MPP7: variants seen among roughly 807,000 people sequenced by gnomAD.
MPP7 encodes MAGUK p55 subfamily member 7.
Under a neutral mutation model 76.5 loss-of-function variants are expected in MPP7, and 60 were observed. The observed-to-expected ratio is 0.78, with a 90% CI of 0.64 to 0.97. MPP7 has a LOEUF of 0.97. Among genes scored for constraint, MPP7 ranks in the 50% least tolerant of loss-of-function variants. The pLI is 0.00. For missense variants in MPP7, 641 were observed against 694.0 expected (o/e 0.92, Z 0.86); for synonymous variants, 237 against 244.5 (o/e 0.97, Z 0.29).
chr10:28,264,167 C>G (rs528364974), intron 1 of MPP7, among the ~76,000 whole-genome samples: 2 of 152,124 alleles, frequency 1.3e-5, no homozygotes, highest in Admixed American at 1.3e-4. Context: ...GGCAGGATGG[C>G]ACTCACCTGC....
At chr10:28,323,813 G>C (rs1834387891) in intron 2 of MPP7, among the ~76,000 whole-genome samples, 1 of 152,158 alleles carries the variant, frequency 6.6e-6, no homozygotes. Flanking sequence ...TGGATGCCGG[G>C]TGACTGAATA....
At position 28,333,654 on chromosome 10, in the gene MPP7, TAC is replaced by T. The variant is rs567778232; in HGVS notation, c.-206+762_-206+763del. 1.8e-4 allele frequency among the ~76,000 whole-genome samples: 27 copies of T among 152,320 alleles called. No individual in the cohort carries two copies. In the East Asian group the frequency reaches 4.6e-3, roughly 26 times the overall value. On this transcript the variant is annotated intron_variant, in intron 1 of 11. Transcript: ENST00000441595. ...GTGCAAATTTGGCAGCACAGATAAT[TAC>T]AGTCTAATTTTCTACAATGTAACTT...
chr10:28,227,363 A>G (rs1004515135), intron 2 of MPP7, among the ~76,000 whole-genome samples: 1 of 152,092 alleles, frequency 6.6e-6, no homozygotes, highest in Non-Finnish European at 1.5e-5. Flanking sequence ...GGTTTGTTAC[A>G]TAGGTAAACG....
intron 12 of MPP7, among the ~76,000 whole-genome samples, chr10:28,082,556 A>G (rs1667823306): frequency 6.6e-6 from 1 of 152,126 alleles, no homozygotes; most frequent in Non-Finnish European, 1.5e-5. Context: ...TCACTGACTC[A>G]TGCAATCCTC....
Position 28,131,591 on chromosome 10 carries a change from A to G in MPP7, c.416T>C (p.Ile139Thr), listed in dbSNP as rs1835193008. Residue 139 changes from isoleucine to threonine, a missense_variant, in exon 6 of 17, where the codon ATA becomes ACA. Transcript: ENST00000683449. ...DIDDEEDSVK[I>T]IRLVKNREPL... ...TTCTCTATTTTTGACCAGACGGATT[A>G]TTTTTACTGAGTCTTCCTCATCGTC... The G allele has an allele frequency of 2.5e-6, 4 of 1,604,468 alleles. No homozygotes were observed. The highest frequency in any genetic ancestry group is 1.7e-5 in the Admixed American group (1 of 59,780).
At position 28,089,806 on chromosome 10, in the gene MPP7, C is replaced by T. The variant is rs749658266; in HGVS notation, c.988G>A (p.Asp330Asn). Residue 330 changes from aspartate (D) to asparagine (N), a missense_variant, in exon 12 of 17, where the codon GAT becomes AAT. By Grantham distance (23) the Asp-to-Asn change is conservative (BLOSUM62 1). Coordinates refer to ENST00000683449, the MANE Select transcript of MPP7 (RefSeq NM_001318170.2). Reference sequence around the variant, plus strand: ...TACATGGATTTATTTGTTTTCTTATCTTTTCTACTAAGACGAAAACTTTTT... The same window carrying T: ...TACATGGATTTATTTGTTTTCTTATTTTTTCTACTAAGACGAAAACTTTTT... ...FRKSFRLSRK[D>N]KKTNKSMYEC... 1 of 1,587,598 alleles carries T rather than the reference C, an allele frequency of 6.3e-7. No homozygotes were observed.
At position 28,094,836 on chromosome 10, in the gene MPP7, T is replaced by A. The variant is rs185520956; in HGVS notation, c.953-4995A>T. Among the ~76,000 whole-genome samples, 864 of 152,268 alleles carry A rather than the reference T, an allele frequency of 5.7e-3. 4 individuals are homozygous for A. Among genetic ancestry groups the A allele is most frequent in the Non-Finnish European group, 8.6e-3 (584 of 68,010 alleles). On this transcript the variant is annotated intron_variant, in intron 11 of 16. Transcript: ENST00000683449. Reference sequence around the variant, plus strand: ...CAGATGTGGTGGCACATGCCTATAATCCCAGCTACTTGGGAGGCTGAGGCA... The same window carrying A: ...CAGATGTGGTGGCACATGCCTATAAACCCAGCTACTTGGGAGGCTGAGGCA...
At chr10:28,132,499 T>C (rs1835225046) in intron 5 of MPP7, among the ~76,000 whole-genome samples, 1 of 152,200 alleles carries the variant, frequency 6.6e-6, no homozygotes, top group African/African-American at 2.4e-5. Flanking sequence ...GGTGGGATCA[T>C]AGCTCACTAC....
chr10:28,189,235 A>G (rs1837328529), intron 3 of MPP7, among the ~76,000 whole-genome samples: 4 of 152,090 alleles, frequency 2.6e-5, no homozygotes, highest in Admixed American at 6.5e-5. Context: ...GTTATAAGGT[A>G]CCTGTACTAC....
intron 13 of MPP7, among the ~76,000 whole-genome samples, chr10:28,062,462 A>G (rs74722473): frequency 0.012 from 1,822 of 152,144 alleles, 51 homozygotes; most frequent in East Asian, 0.11. Context: ...ATACAATAAA[A>G]TACAGAAGAG....
intron 3 of MPP7, among the ~76,000 whole-genome samples, chr10:28,158,183 C>T (rs1212422394): frequency 6.6e-6 from 1 of 152,032 alleles, no homozygotes; most frequent in African/African-American, 2.4e-5. Context: ...TGACTAGTCC[C>T]CAAAGCTGAG....
At chr10:28,195,529 T>C (rs1003190312) in intron 3 of MPP7, among the ~76,000 whole-genome samples, 1 of 152,212 alleles carries the variant, frequency 6.6e-6, no homozygotes, top group Non-Finnish European at 1.5e-5. Context: ...AAGTGTGATA[T>C]AGCCATACAA....
chr10:28,139,241 C>T (rs113365492), intron 5 of MPP7, among the ~76,000 whole-genome samples: 3,270 of 152,252 alleles, frequency 0.021, 97 homozygotes, highest in African/African-American at 0.072. Context: ...CTTAACTGAT[C>T]ACAGGTTCAC....
intron 2 of MPP7, among the ~76,000 whole-genome samples, chr10:28,204,851 G>A (rs1261261347): frequency 6.6e-6 from 1 of 152,172 alleles, no homozygotes; most frequent in Admixed American, 6.5e-5. Flanking sequence ...TAGCTTAGCT[G>A]TATATTGCAA....
At chr10:28,173,076 G>A (rs1168905827) in intron 3 of MPP7, among the ~76,000 whole-genome samples, 4 of 152,006 alleles carry the variant, frequency 2.6e-5, no homozygotes, top group Admixed American at 6.6e-5. Flanking sequence ...AATATAAGCC[G>A]GGGGAGGAAC....
chr10:28,157,576 T>C (rs1015149699), intron 3 of MPP7, among the ~76,000 whole-genome samples: 12 of 152,238 alleles, frequency 7.9e-5, no homozygotes, highest in Non-Finnish European at 1.6e-4. Context: ...ATGAAGGGCA[T>C]GCCTGCCAAT....
intron 13 of MPP7, among the ~76,000 whole-genome samples, chr10:28,064,357 G>A (rs1851908856): frequency 6.6e-6 from 1 of 152,172 alleles, no homozygotes; most frequent in Non-Finnish European, 1.5e-5. Context: ...GAAAAAAGTG[G>A]ATGCATACTG....
intron 2 of MPP7, among the ~76,000 whole-genome samples, chr10:28,215,979 T>C (rs987207621): frequency 3.3e-5 from 5 of 151,990 alleles, no homozygotes; most frequent in Non-Finnish European, 7.4e-5. Flanking sequence ...GCTTTCACAA[T>C]AGGCAATAAA....
chr10:28,186,532 A>T (rs954617374), intron 3 of MPP7, among the ~76,000 whole-genome samples: 1 of 152,252 alleles, frequency 6.6e-6, no homozygotes, highest in Non-Finnish European at 1.5e-5. Context: ...GATGAAAACA[A>T]ACATTGGAGG....
Sources: gnomAD v4.1 joint callset for allele counts (sites outside exome capture counted in the v4.1 genomes callset) on GRCh38, gnomAD v4.1.1 for gene constraint, MANE v1.5 for transcripts, NCBI Gene and HGNC (gene_info 2026-07-23, HGNC 2026-07-21) for gene names.